Variants in FHIT observed in about 807,000 individuals in gnomAD.
FHIT encodes the protein bis(5'-adenosyl)-triphosphatase.
In FHIT, 19 loss-of-function variants were observed where a neutral mutation model predicts 17.9. The observed-to-expected ratio is 1.06, with a 90% CI of 0.74 to 1.56. The LOEUF is 1.56. Ranked by LOEUF, FHIT falls within the 40% of genes most tolerant of loss-of-function variation. The pLI is 0.00. For missense variants in FHIT, 248 were observed against 189.2 expected (o/e 1.31, Z -1.82); for synonymous variants, 81 against 69.7 (o/e 1.16, Z -0.81).
chr3:60,297,561 C>A (rs761466434), intron 5 of FHIT, among the ~76,000 whole-genome samples: 8 of 143,250 alleles, frequency 5.6e-5, no homozygotes, highest in Non-Finnish European at 9.0e-5. Flanking sequence ...GTATGACTTA[C>A]AAGGAAGTCA....
chr3:59,959,593 T>A (rs112092006), intron 7 of FHIT, among the ~76,000 whole-genome samples: 84 of 152,320 alleles, frequency 5.5e-4, no homozygotes, highest in African/African-American at 1.9e-3. Flanking sequence ...TCCATGCATA[T>A]ATCCATCTCT....
chr3:60,303,578 C>T (rs1029025240), intron 5 of FHIT, among the ~76,000 whole-genome samples: 1 of 152,160 alleles, frequency 6.6e-6, no homozygotes, highest in Non-Finnish European at 1.5e-5. Context: ...TTCTGTCCCA[C>T]AGGCTGTGAT....
chr3:60,066,363 A>C (rs1702504826), intron 5 of FHIT, among the ~76,000 whole-genome samples: 1 of 152,174 alleles, frequency 6.6e-6, no homozygotes, highest in Non-Finnish European at 1.5e-5. Context: ...TAGTGAAATT[A>C]GGTTTTATTG....
At chr3:60,953,208 G>A (rs898442007) in intron 3 of FHIT, among the ~76,000 whole-genome samples, 5 of 152,266 alleles carry the variant, frequency 3.3e-5, no homozygotes, top group African/African-American at 1.2e-4. Flanking sequence ...AATGTTGTCT[G>A]GATTCACACA....
intron 7 of FHIT, among the ~76,000 whole-genome samples, chr3:59,937,704 C>T (rs1024325981): frequency 1.3e-5 from 2 of 152,152 alleles, no homozygotes; most frequent in Non-Finnish European, 2.9e-5. Context: ...CATTATTCTC[C>T]TTAACAGGGG....
At chr3:60,352,323 A>T (rs1443602298) in intron 5 of FHIT, among the ~76,000 whole-genome samples, 3 of 152,150 alleles carry the variant, frequency 2.0e-5, no homozygotes, top group Non-Finnish European at 4.4e-5. Context: ...TAAAAGATTC[A>T]TACAAAACAA....
intron 4 of FHIT, among the ~76,000 whole-genome samples, chr3:60,626,063 G>T (rs2039276694): frequency 6.6e-6 from 1 of 152,142 alleles, no homozygotes; most frequent in Admixed American, 6.5e-5. Flanking sequence ...GTTTATTTCT[G>T]GAATCTCAGT....
At chr3:60,844,648 C>T (rs1553745970) in intron 3 of FHIT, among the ~76,000 whole-genome samples, 2 of 152,126 alleles carry the variant, frequency 1.3e-5, no homozygotes, top group Non-Finnish European at 2.9e-5. Flanking sequence ...GTTTTCTTCT[C>T]ATAAAAATCA....
intron 8 of FHIT, among the ~76,000 whole-genome samples, chr3:59,811,825 G>T (rs1031654600): frequency 1.3e-5 from 2 of 152,194 alleles, no homozygotes; most frequent in African/African-American, 4.8e-5. Context: ...TCTGTAAGGG[G>T]CAGTTAATAC....
intron 1 of FHIT, among the ~76,000 whole-genome samples, chr3:61,209,642 T>A (rs1260831007): frequency 6.6e-6 from 1 of 152,224 alleles, no homozygotes; most frequent in African/African-American, 2.4e-5. Context: ...GTGGTTCTCG[T>A]GCCTTGGTTT....
chr3:60,583,113 A>T (rs576473273), intron 4 of FHIT, among the ~76,000 whole-genome samples: 1 of 152,058 alleles, frequency 6.6e-6, no homozygotes, highest in Non-Finnish European at 1.5e-5. Flanking sequence ...TTTACACAGC[A>T]TTAGGTAATG....
chr3:60,165,406 A>C (rs1235360647), intron 5 of FHIT, among the ~76,000 whole-genome samples: 1 of 152,214 alleles, frequency 6.6e-6, no homozygotes, highest in African/African-American at 2.4e-5. Context: ...TAAAGAATGG[A>C]AACAAAGAGT....
intron 8 of FHIT, among the ~76,000 whole-genome samples, chr3:59,846,965 G>A (rs978563230): frequency 6.6e-6 from 1 of 152,202 alleles, no homozygotes; most frequent in African/African-American, 2.4e-5. Flanking sequence ...AGGATCCCTA[G>A]TGCATGACAA....
intron 3 of FHIT, among the ~76,000 whole-genome samples, chr3:60,843,528 A>T (rs978365179): frequency 6.6e-6 from 1 of 152,194 alleles, no homozygotes. Flanking sequence ...CCAGAAGAAC[A>T]TTCCTTCAGT....
chr3:61,130,158 A>T (rs1266645741), intron 2 of FHIT, among the ~76,000 whole-genome samples: 1 of 152,010 alleles, frequency 6.6e-6, no homozygotes, highest in South Asian at 2.1e-4. Flanking sequence ...TAGTACAAGA[A>T]GTAATGCAAG....
In FHIT at chr3:60,401,998, T is replaced by A. The variant is rs1701676168; in HGVS notation, c.103+134862A>T. Among the ~76,000 whole-genome samples the A allele has an allele frequency of 2.0e-5, 3 of 152,098 alleles. No individual in the cohort carries two copies. The South Asian group carries it at 6.2e-4, about 32-fold the overall frequency. On this transcript the variant is annotated intron_variant, in intron 5 of 9. Transcript: ENST00000492590. ...TGATGGCAGCCTTTAAAATGGTCAGTCTGTCACTTCCATGGCCCTAACTCC... is the reference window on the plus strand; with the variant it reads ...TGATGGCAGCCTTTAAAATGGTCAGACTGTCACTTCCATGGCCCTAACTCC...
intron 3 of FHIT, among the ~76,000 whole-genome samples, chr3:60,852,837 C>T (rs563270594): frequency 6.6e-6 from 1 of 151,802 alleles, no homozygotes; most frequent in African/African-American, 2.4e-5. Context: ...GACCCTATCC[C>T]CTAAAAATCA....
chr3:61,203,910 A>C (rs2039118012), intron 1 of FHIT, among the ~76,000 whole-genome samples: 1 of 152,240 alleles, frequency 6.6e-6, no homozygotes, highest in African/African-American at 2.4e-5. Flanking sequence ...CATTCTACAA[A>C]TGTATTGCCA....
At chr3:60,500,750 G>C (rs1027892961) in intron 5 of FHIT, among the ~76,000 whole-genome samples, 2 of 136,860 alleles carry the variant, frequency 1.5e-5, no homozygotes, top group Non-Finnish European at 3.0e-5. Context: ...TCCAGCCTGG[G>C]TGACAGAGTG....
Sources: allele counts gnomAD v4.1 joint callset (sites outside exome capture counted in the v4.1 genomes callset), GRCh38; gene constraint gnomAD v4.1.1; transcripts MANE v1.5; gene names NCBI Gene and HGNC (gene_info 2026-07-23, HGNC 2026-07-21).